LINGO2: variants seen among roughly 807,000 people sequenced by gnomAD.
LINGO2 encodes the protein leucine-rich repeat and immunoglobulin-like domain-containing nogo receptor-interacting protein 2.
Under a neutral mutation model 30.6 loss-of-function variants are expected in LINGO2, and 14 were observed. The observed-to-expected ratio is 0.46, with a 90% CI of 0.30 to 0.72. LINGO2 has a LOEUF of 0.72. Among genes scored for constraint, LINGO2 ranks in the 30% least tolerant of loss-of-function variants. The pLI is 0.07. For missense variants in LINGO2, 729 were observed against 751.7 expected (o/e 0.97, Z 0.35); for synonymous variants, 317 against 288.5 (o/e 1.10, Z -1.00).
At chr9:29,007,487 T>C in the LINGO2 span, among the ~76,000 whole-genome samples, 1 of 152,142 alleles carries the variant, frequency 6.6e-6, no homozygotes. Context: ...GCAGTGCACC[T>C]ACCCATATTT....
At chr9:29,095,096 C>T in the LINGO2 span, among the ~76,000 whole-genome samples, 1 of 138,698 alleles carries the variant, frequency 7.2e-6, no homozygotes, top group Admixed American at 7.4e-5. Context: ...CTGTCCTTCA[C>T]AAGGAGTGCT....
chr9:27,963,563 A>G (rs1257191009), intron 5 of LINGO2, among the ~76,000 whole-genome samples: 1 of 152,120 alleles, frequency 6.6e-6, no homozygotes, highest in Admixed American at 6.6e-5. Flanking sequence ...TGGAAATTCT[A>G]TGATTAATTT....
At chr9:29,185,704 A>T in the LINGO2 span, among the ~76,000 whole-genome samples, 2 of 152,210 alleles carry the variant, frequency 1.3e-5, no homozygotes, top group African/African-American at 4.8e-5. Flanking sequence ...AGAAAGGTAG[A>T]GTGAATTGGG....
At chr9:28,503,633 A>C (rs1587768764) in intron 1 of LINGO2, among the ~76,000 whole-genome samples, 1 of 152,044 alleles carries the variant, frequency 6.6e-6, no homozygotes, top group African/African-American at 2.4e-5. Flanking sequence ...AATGCCATAT[A>C]CATGGATTAA....
chr9:28,593,483 A>T (rs1825023910), intron 1 of LINGO2, among the ~76,000 whole-genome samples: 1 of 152,086 alleles, frequency 6.6e-6, no homozygotes, highest in Non-Finnish European at 1.5e-5. Context: ...TATGTTTTGT[A>T]AAATAGAGCA....
chr9:28,579,144 A>G (rs191909002), intron 1 of LINGO2, among the ~76,000 whole-genome samples: 12 of 152,074 alleles, frequency 7.9e-5, no homozygotes, highest in East Asian at 1.9e-4. Context: ...TACATTACAC[A>G]TTAACTCAAA....
chr9:28,381,492 G>C (rs780599125), intron 2 of LINGO2, among the ~76,000 whole-genome samples: 1 of 152,030 alleles, frequency 6.6e-6, no homozygotes, highest in African/African-American at 2.4e-5. Flanking sequence ...TGTGTGGGGA[G>C]TTCAAATATG....
the LINGO2 span, among the ~76,000 whole-genome samples, chr9:29,197,917 C>T: frequency 3.3e-5 from 5 of 152,006 alleles, no homozygotes; most frequent in African/African-American, 1.2e-4. Context: ...TTTAGTAGCA[C>T]ATGAAGGAAC....
chr9:29,089,408 C>G, the LINGO2 span, among the ~76,000 whole-genome samples: 1 of 151,834 alleles, frequency 6.6e-6, no homozygotes. Flanking sequence ...GTATTATTAT[C>G]TTTTAACATT....
intron 1 of LINGO2, among the ~76,000 whole-genome samples, chr9:28,556,918 T>C (rs574057119): frequency 6.6e-6 from 1 of 152,222 alleles, no homozygotes; most frequent in East Asian, 1.9e-4. Context: ...ATTTAATAAA[T>C]GGTGCTGGGA....
intron 2 of LINGO2, among the ~76,000 whole-genome samples, chr9:28,438,398 C>T (rs971503394): frequency 2.6e-5 from 4 of 152,122 alleles, no homozygotes; most frequent in Non-Finnish European, 4.4e-5. Context: ...TCTTGAGCTG[C>T]GACATCCATC....
At chr9:28,780,720 T>C in the LINGO2 span, among the ~76,000 whole-genome samples, 13 of 152,122 alleles carry the variant, frequency 8.5e-5, no homozygotes, top group Non-Finnish European at 1.6e-4. Flanking sequence ...CTAGTTTTAC[T>C]GTTCCTGGGT....
intron 1 of LINGO2, among the ~76,000 whole-genome samples, chr9:28,564,269 A>G (rs563288307): frequency 1.3e-5 from 2 of 152,288 alleles, no homozygotes; most frequent in South Asian, 2.1e-4. Context: ...AATGTAATCA[A>G]TCATTATAGG....
the LINGO2 span, among the ~76,000 whole-genome samples, chr9:28,850,615 A>C: frequency 6.6e-6 from 1 of 152,024 alleles, no homozygotes; most frequent in East Asian, 1.9e-4. Flanking sequence ...CACCTCAGCC[A>C]GTGATGTTCC....
At chr9:28,030,772 T>G (rs190735155) in intron 4 of LINGO2, among the ~76,000 whole-genome samples, 2 of 152,214 alleles carry the variant, frequency 1.3e-5, no homozygotes, top group East Asian at 3.9e-4. Context: ...CATTGTAGCT[T>G]AAGGTGGTAC....
intron 1 of LINGO2, among the ~76,000 whole-genome samples, chr9:28,569,709 G>A (rs779642422): frequency 6.6e-6 from 1 of 151,768 alleles, no homozygotes; most frequent in Non-Finnish European, 1.5e-5. Flanking sequence ...CTAACATACA[G>A]CATGGTTACT....
chr9:28,813,534 C>G, the LINGO2 span, among the ~76,000 whole-genome samples: 1 of 151,772 alleles, frequency 6.6e-6, no homozygotes. Context: ...CTCAATGTAC[C>G]CTTCCTTCCT....
the LINGO2 span, among the ~76,000 whole-genome samples, chr9:29,137,401 C>G: frequency 6.6e-6 from 1 of 152,128 alleles, no homozygotes; most frequent in Non-Finnish European, 1.5e-5. Context: ...CATCATTTAT[C>G]ACATATATCT....
the LINGO2 span, among the ~76,000 whole-genome samples, chr9:29,111,937 A>ACATATTTTTATAT: frequency 6.7e-6 from 1 of 149,258 alleles, no homozygotes; most frequent in Non-Finnish European, 1.5e-5. Flanking sequence ...GTGTATATAT[A>ACATATTTTTATAT]ATGTATTTAA....
Sources: gnomAD v4.1 joint callset for allele counts (sites outside exome capture counted in the v4.1 genomes callset) on GRCh38, gnomAD v4.1.1 for gene constraint, MANE v1.5 for transcripts, NCBI Gene and HGNC (gene_info 2026-07-23, HGNC 2026-07-21) for gene names.